Variants in KIF1B observed in about 807,000 individuals in gnomAD.
KIF1B encodes kinesin-like protein KIF1B.
In KIF1B, 76 loss-of-function variants were observed where a neutral mutation model predicts 241.9. The ratio of observed to expected loss-of-function variants is 0.31; its 90% CI spans 0.26 to 0.38. KIF1B has a LOEUF of 0.38. KIF1B is among the 10% of genes least tolerant of loss of function. The probability of loss-of-function intolerance (pLI) is 1.00; values close to 1 mark genes in which losing one functional copy is unlikely to be tolerated. For missense variants in KIF1B, 1,622 were observed against 2,271.4 expected, an observed-to-expected ratio of 0.71 and a Z score of 5.81; for synonymous variants, 750 against 796.7, an observed-to-expected ratio of 0.94 and a Z score of 0.99.
chr1:10,360,877 A>C, intron 38 of KIF1B, 52 bp from the exon 39 acceptor site: 1 of 1,201,590 alleles, frequency 8.3e-7, no homozygotes, highest in Non-Finnish European at 1.2e-6. Context: ...TACCTGGACT[A>C]ACGTGACTTT....
At chr1:10,237,921 A>G (rs992495116) in intron 2 of KIF1B, among the ~76,000 whole-genome samples, 4 of 152,036 alleles carry the variant, frequency 2.6e-5, no homozygotes, top group Non-Finnish European at 5.9e-5. Flanking sequence ...AGGTGGGAGT[A>G]TCACTTGAGC....
At chr1:10,238,592 C>A (rs1647089561) in intron 2 of KIF1B, among the ~76,000 whole-genome samples, 1 of 151,852 alleles carries the variant, frequency 6.6e-6, no homozygotes, top group African/African-American at 2.4e-5. Context: ...GTGGTTGCAG[C>A]TACTCCAGAG....
intron 9 of KIF1B, 184 bp downstream of exon 9, chr1:10,272,490 A>G (rs1465710088): frequency 4.4e-6 from 3 of 675,478 alleles, no homozygotes; most frequent in Non-Finnish European, 5.4e-6. Context: ...ACTGAAAGTA[A>G]AAGATACTAA....
chr1:10,310,154 G>A (rs562252332), intron 22 of KIF1B, among the ~76,000 whole-genome samples: 36 of 151,610 alleles, frequency 2.4e-4, no homozygotes, highest in Non-Finnish European at 4.7e-4. Flanking sequence ...TATTCACTTC[G>A]CCAGTCATAT....
At chr1:10,220,750 C>T (rs1195588467) in intron 1 of KIF1B, among the ~76,000 whole-genome samples, 1 of 152,142 alleles carries the variant, frequency 6.6e-6, no homozygotes, top group Non-Finnish European at 1.5e-5. Context: ...GCAACCTCCG[C>T]CTCCCAGGTT....
rs577527216 is a variant in KIF1B at position 10,212,214 on chromosome 1, A to G, written c.-80+1336A>G. On this transcript the variant is annotated intron_variant, in intron 1 of 48. Transcript: ENST00000676179. ...CTCTTAAGAGGTGATATCATGGTGGATATTTTATTTAAAGGCTGGCATTTT... is the reference window on the plus strand; with the variant it reads ...CTCTTAAGAGGTGATATCATGGTGGGTATTTTATTTAAAGGCTGGCATTTT... 2.0e-5 allele frequency among the ~76,000 whole-genome samples: 3 copies of G among 152,306 alleles called. No individual in the cohort carries two copies. In the East Asian group the frequency reaches 5.8e-4, roughly 29 times the overall value.
At chr1:10,263,057 T>C (rs1262411999) in intron 5 of KIF1B, among the ~76,000 whole-genome samples, 1 of 151,922 alleles carries the variant, frequency 6.6e-6, no homozygotes, top group African/African-American at 2.4e-5. Context: ...GGGAGGCGAA[T>C]GGATCACTTG....
intron 2 of KIF1B, among the ~76,000 whole-genome samples, chr1:10,245,421 A>C (rs1432814260): frequency 6.6e-6 from 1 of 152,208 alleles, no homozygotes; most frequent in Non-Finnish European, 1.5e-5. Context: ...TTTATCTTGG[A>C]TAAAAGTCTT....
In KIF1B at chr1:10,345,899, G is replaced by A. The variant is rs1183079670; in HGVS notation, c.3743G>A (p.Ser1248Asn). ...AAAACCAGCCTTGGCCAGAGCATGA[G>A]CAAGTATGACCTCCTGGTTTGGTTT... The part of the protein sequence containing the change: ...MSKTSLGQSM[S>N]KYDLLVWFEI... Residue 1248 changes from serine to asparagine, a missense_variant, in exon 35 of 49, where the codon AGC (serine) becomes AAC (asparagine). By Grantham distance (46) the Ser-to-Asn change is conservative (BLOSUM62 1). Around this residue, in one of 7 missense-constraint regions of KIF1B, gnomAD observed 803 missense variants for 1,112.0 expected, o/e 0.72. Transcript: ENST00000676179. The A allele has an allele frequency of 1.2e-6, 2 of 1,614,062 alleles. No individual in the cohort carries two copies. The highest frequency in any genetic ancestry group is 8.5e-7 in the Non-Finnish European group (1 of 1,180,028).
intron 2 of KIF1B, among the ~76,000 whole-genome samples, chr1:10,247,883 T>C (rs531495293): frequency 1.3e-5 from 2 of 152,246 alleles, no homozygotes; most frequent in East Asian, 3.9e-4. Context: ...CCATCTCAGA[T>C]CATCAGACAT....
At position 10,374,981 on chromosome 1, in the gene KIF1B, C is replaced by T. The variant is rs200161482; in HGVS notation, c.5224C>T (p.Arg1742Cys). The T allele has an allele frequency of 5.6e-6, 9 of 1,613,964 alleles. No individual in the cohort carries two copies. The highest frequency in any genetic ancestry group is 1.3e-5 in the African/African-American group (1 of 74,878). Reference protein sequence around the residue: ...IYNSDKDPVERGIINLSTAQV... With the variant: ...IYNSDKDPVECGIINLSTAQV... ...TAACAGTGACAAAGACCCTGTGGAG[C>T]GTGGAATCATTAACCTGTCCACAGC... Residue 1742 changes from arginine (R) to cysteine (C), a missense_variant, in exon 47 of 49, where the codon CGT becomes TGT. By Grantham distance (180) the Arg-to-Cys change is radical (BLOSUM62 -3). Around this residue, in one of 7 missense-constraint regions of KIF1B, gnomAD observed 357 missense variants for 409.0 expected, o/e 0.87. Coordinates refer to ENST00000676179, the MANE Select transcript of KIF1B (RefSeq NM_001365951.3). This position sits in a 1 kb window ranked among gnomAD's most constrained non-coding sequence, Gnocchi z 4.3.
In KIF1B at chr1:10,363,337, T is replaced by G. The variant is rs896724605; in HGVS notation, c.4359T>G (p.Gly1453=). 6.2e-7 allele frequency: 1 copy of G among 1,611,526 alleles called. No individual in the cohort carries two copies. Residue 1453 remains glycine, a synonymous_variant, in exon 41 of 49, where the codon GGT becomes GGG. Coordinates refer to ENST00000676179, the MANE Select transcript of KIF1B (RefSeq NM_001365951.3). ...GCTTATGCAAAATGTCAGACACAGGTAGTCCAGGTAAGCTCTTGTGGATTG... is the reference window on the plus strand; with the variant it reads ...GCTTATGCAAAATGTCAGACACAGGGAGTCCAGGTAAGCTCTTGTGGATTG... ...ELSLCKMSDT[G]SPGMQRRRRK... is the part of the protein sequence containing the mutation.
chr1:10,337,261 C>G lies in KIF1B; in HGVS notation c.3259+58C>G. On this transcript the variant is annotated intron_variant, in intron 30 of 48. Coordinates refer to ENST00000676179, the MANE Select transcript of KIF1B (RefSeq NM_001365951.3). This position sits in a 1 kb window ranked among gnomAD's most constrained non-coding sequence, Gnocchi z 4.0. ...ATTTTCGACAAAGGGAAAATATTGACCATTATCAAGGGACATAGTGGCCTT... is the reference window on the plus strand; with the variant it reads ...ATTTTCGACAAAGGGAAAATATTGAGCATTATCAAGGGACATAGTGGCCTT... The G allele has an allele frequency of 1.2e-6, 2 of 1,612,966 alleles. No homozygotes were observed. The highest frequency in any genetic ancestry group is 3.3e-5 in the Admixed American group (2 of 60,014).
chr1:10,342,268 A>C, intron 33 of KIF1B, 100 bp downstream of exon 33: 1 of 824,498 alleles, frequency 1.2e-6, no homozygotes, highest in South Asian at 1.3e-5. Context: ...TAAGATAACT[A>C]AATAAGTATT....
chr1:10,346,777 G>A (rs1420253748), intron 35 of KIF1B, among the ~76,000 whole-genome samples: 1 of 152,220 alleles, frequency 6.6e-6, no homozygotes, highest in Non-Finnish European at 1.5e-5. Flanking sequence ...GGAGGACATA[G>A]AAGGGCAGAA....
At chr1:10,248,287 C>T (rs551496973) in intron 2 of KIF1B, among the ~76,000 whole-genome samples, 128 of 152,218 alleles carry the variant, frequency 8.4e-4, no homozygotes, top group Middle Eastern at 6.8e-3. Context: ...GTAGCTTCAA[C>T]TTCCTGGGTG....
intron 27 of KIF1B, among the ~76,000 whole-genome samples, chr1:10,327,892 C>A (rs1347044513): frequency 1.3e-5 from 2 of 152,110 alleles, no homozygotes; most frequent in African/African-American, 2.4e-5. Flanking sequence ...GTCTCCTGAC[C>A]TAGTAGAGAC....
intron 35 of KIF1B, among the ~76,000 whole-genome samples, chr1:10,347,296 G>C (rs948334816): frequency 8.5e-5 from 13 of 152,214 alleles, no homozygotes; most frequent in Admixed American, 6.5e-5. Context: ...TGTGTTAAGT[G>C]TGGTATGTAG....
At chr1:10,274,122 G>C (rs1029010346) in intron 10 of KIF1B, among the ~76,000 whole-genome samples, 9 of 151,894 alleles carry the variant, frequency 5.9e-5, no homozygotes, top group Admixed American at 3.9e-4. Flanking sequence ...ATTTTTAGTA[G>C]AGATGGGGTT....
Sources: allele counts gnomAD v4.1 joint callset (sites outside exome capture counted in the v4.1 genomes callset), GRCh38; gene constraint gnomAD v4.1.1; regional missense constraint gnomAD v4.1.1; non-coding constraint Gnocchi (gnomAD v3.1); transcripts MANE v1.5; gene names NCBI Gene and HGNC (gene_info 2026-07-23, HGNC 2026-07-21).